Variants in XKR9 observed in about 807,000 individuals in gnomAD.
The protein encoded by XKR9 is XK related 9, also known as XK-related protein 9.
A neutral mutation model predicts 32.0 loss-of-function variants in XKR9; 32 were observed. That is an observed-to-expected ratio of 1.00 (90% CI 0.76 to 1.34). XKR9 has a LOEUF of 1.34. XKR9 is among the 40% of genes most tolerant of loss of function. The pLI is 0.00. For synonymous variants in XKR9, 168 were observed against 143.4 expected (o/e 1.17, Z -1.22); for missense variants, 546 against 429.7 (o/e 1.27, Z -2.39).
chr8:70,717,003 G>C (rs180733986), intron 4 of XKR9, among the ~76,000 whole-genome samples: 14 of 152,324 alleles, frequency 9.2e-5, no homozygotes, highest in African/African-American at 3.4e-4. Context: ...AAATGCAGTG[G>C]AGCAGTCAAA....
chr8:71,045,752 A>G, the XKR9 span, among the ~76,000 whole-genome samples: 2 of 152,200 alleles, frequency 1.3e-5, no homozygotes, highest in Non-Finnish European at 2.9e-5. Context: ...TGACATGATG[A>G]ACGCTTGAGA....
the XKR9 span, among the ~76,000 whole-genome samples, chr8:70,818,699 G>A: frequency 6.6e-6 from 1 of 152,114 alleles, no homozygotes; most frequent in Admixed American, 6.5e-5. Flanking sequence ...TGGGAATTTT[G>A]TTTGTGCTAA....
rs1198407711 is a variant in XKR9, at chr8:70,752,896, A to C, written n.353-36443A>C. On this transcript the variant is annotated intron_variant and non_coding_transcript_variant, in intron 2 of 3. Transcript: ENST00000520273. Reference sequence around the variant, plus strand: ...GCAAACACATTCAAAAGCTAGCAGAAGGCAAGAAATAACCAAAATCAGACC... The same window carrying C: ...GCAAACACATTCAAAAGCTAGCAGACGGCAAGAAATAACCAAAATCAGACC... Among the ~76,000 whole-genome samples, 5 of 152,348 alleles carry C rather than the reference A, an allele frequency of 3.3e-5. No individual in the cohort carries two copies. The East Asian group carries it at 9.6e-4, about 29-fold the overall frequency.
the XKR9 span, among the ~76,000 whole-genome samples, chr8:71,018,669 G>T: frequency 6.6e-6 from 1 of 152,162 alleles, no homozygotes; most frequent in Non-Finnish European, 1.5e-5. Flanking sequence ...AATGAGCAGA[G>T]CTGTAAAGTT....
At chr8:70,851,604 A>G in the XKR9 span, among the ~76,000 whole-genome samples, 3 of 152,208 alleles carry the variant, frequency 2.0e-5, no homozygotes, top group African/African-American at 7.2e-5. Context: ...AATGGAACAG[A>G]ACAGAGGCCT....
the XKR9 span, among the ~76,000 whole-genome samples, chr8:71,021,503 T>TC: frequency 2.8e-5 from 4 of 140,418 alleles, no homozygotes; most frequent in Admixed American, 7.0e-5. Context: ...GGTTTCTTTT[T>TC]TTTTTTTTTT....
At chr8:71,032,895 G>A in the XKR9 span, among the ~76,000 whole-genome samples, 4 of 152,096 alleles carry the variant, frequency 2.6e-5, no homozygotes, top group African/African-American at 4.8e-5. Flanking sequence ...ACCCAGCCTG[G>A]CCAACATGGC....
At chr8:71,019,080 T>C in the XKR9 span, among the ~76,000 whole-genome samples, 1 of 152,196 alleles carries the variant, frequency 6.6e-6, no homozygotes, top group Non-Finnish European at 1.5e-5. Flanking sequence ...TTTCTAAAAA[T>C]GAGAGTATAT....
chr8:70,724,963 C>T (rs1221603186), intron 4 of XKR9, among the ~76,000 whole-genome samples: 2 of 152,146 alleles, frequency 1.3e-5, no homozygotes, highest in Non-Finnish European at 2.9e-5. Flanking sequence ...GTTTAATCGA[C>T]TCACAGTTCT....
chr8:71,058,084 G>A, the XKR9 span, among the ~76,000 whole-genome samples: 1 of 152,090 alleles, frequency 6.6e-6, no homozygotes, highest in Admixed American at 6.5e-5. Context: ...GAGAGGCTGA[G>A]GCAGGAGAAT....
chr8:70,960,753 T>C, the XKR9 span, among the ~76,000 whole-genome samples: 1 of 151,634 alleles, frequency 6.6e-6, no homozygotes, highest in Non-Finnish European at 1.5e-5. Flanking sequence ...GTGCCTGTAG[T>C]CCCATCTACT....
chr8:70,834,447 T>C, the XKR9 span, among the ~76,000 whole-genome samples: 1 of 152,306 alleles, frequency 6.6e-6, no homozygotes, highest in African/African-American at 2.4e-5. Context: ...TTACATGTGC[T>C]ACTGCTAATC....
At chr8:70,999,752 C>T in the XKR9 span, among the ~76,000 whole-genome samples, 4 of 152,270 alleles carry the variant, frequency 2.6e-5, no homozygotes, top group East Asian at 1.9e-4. Context: ...TTAGTGACAA[C>T]GTGATCAGTT....
chr8:71,035,439 G>C, the XKR9 span, among the ~76,000 whole-genome samples: 1 of 152,184 alleles, frequency 6.6e-6, no homozygotes, highest in Non-Finnish European at 1.5e-5. Context: ...ATTAAGGCAA[G>C]ATGTTAACAG....
At chr8:70,944,228 A>G in the XKR9 span, among the ~76,000 whole-genome samples, 1 of 152,190 alleles carries the variant, frequency 6.6e-6, no homozygotes, top group African/African-American at 2.4e-5. Flanking sequence ...GTAAGTGTTA[A>G]AAAGAGAATA....
the XKR9 span, among the ~76,000 whole-genome samples, chr8:70,923,043 G>A: frequency 6.6e-6 from 1 of 152,202 alleles, no homozygotes; most frequent in East Asian, 1.9e-4. Context: ...CATGTGTTTG[G>A]AATGGATTAT....
the XKR9 span, among the ~76,000 whole-genome samples, chr8:70,983,357 C>T: frequency 2.0e-5 from 3 of 152,126 alleles, no homozygotes; most frequent in East Asian, 1.9e-4. Context: ...CTTCCTGTAT[C>T]ACCACTTGAC....
At chr8:70,867,352 A>G in the XKR9 span, among the ~76,000 whole-genome samples, 2 of 152,230 alleles carry the variant, frequency 1.3e-5, no homozygotes, top group African/African-American at 4.8e-5. Flanking sequence ...GTGGGGACAC[A>G]GCCAAACCAT....
chr8:70,879,987 A>T, the XKR9 span, among the ~76,000 whole-genome samples: 2 of 152,220 alleles, frequency 1.3e-5, no homozygotes, highest in African/African-American at 4.8e-5. Flanking sequence ...AAATCAATAA[A>T]TGTAATCCAT....
Sources: allele counts gnomAD v4.1 joint callset (sites outside exome capture counted in the v4.1 genomes callset), GRCh38; gene constraint gnomAD v4.1.1; transcripts MANE v1.5; gene names NCBI Gene and HGNC (gene_info 2026-07-23, HGNC 2026-07-21).